Variants in CDH13 observed in about 807,000 individuals in gnomAD.
CDH13 encodes the protein cadherin 13, also known as cadherin-13.
CDH13 carries 24 observed loss-of-function variants against 63.8 expected under a neutral mutation model. The ratio of observed to expected loss-of-function variants is 0.38; its 90% CI spans 0.27 to 0.53. The LOEUF (loss-of-function observed/expected upper bound fraction) is 0.53, where lower values mean the gene tolerates loss of function less well. Among genes scored for constraint, CDH13 ranks in the 20% least tolerant of loss-of-function variants. CDH13 has a pLI of 0.85. For missense variants in CDH13, 1,049 were observed against 903.1 expected (o/e 1.16, Z -2.07); for synonymous variants, 503 against 355.3 (o/e 1.42, Z -4.67).
chr16:83,351,928 A>T (rs901401879), intron 6 of CDH13, among the ~76,000 whole-genome samples: 9 of 152,220 alleles, frequency 5.9e-5, no homozygotes, highest in Non-Finnish European at 8.8e-5. Context: ...CTCAGTATCT[A>T]CAAGTTTTTG....
At chr16:82,856,171 TC>T (rs979452605) in intron 1 of CDH13, among the ~76,000 whole-genome samples, 44 of 151,100 alleles carry the variant, frequency 2.9e-4, no homozygotes, top group African/African-American at 9.8e-4. Flanking sequence ...GGTCAGCAGA[TC>T]GAGACCATCC....
At chr16:83,373,130 T>C (rs1253583243) in intron 6 of CDH13, among the ~76,000 whole-genome samples, 2 of 152,218 alleles carry the variant, frequency 1.3e-5, no homozygotes, top group Non-Finnish European at 2.9e-5. Context: ...TTCCATAATA[T>C]TGAGCAAATG....
At position 83,134,920 on chromosome 16, in the gene CDH13, C is replaced by T. The variant is rs528682982; in HGVS notation, c.483+9419C>T. ...GCAATATTTTTAACCCTGAGTTTATCACCCTTTCGGTTCTCCATTTTAAAG... is the reference window on the plus strand; with the variant it reads ...GCAATATTTTTAACCCTGAGTTTATTACCCTTTCGGTTCTCCATTTTAAAG... On this transcript the variant is annotated intron_variant, in intron 4 of 13. Coordinates refer to ENST00000567109, the MANE Select transcript of CDH13 (RefSeq NM_001257.5). 8.7e-4 allele frequency among the ~76,000 whole-genome samples: 133 copies of T among 152,290 alleles called. 1 individual carries two copies. The highest frequency in any genetic ancestry group is 3.1e-3 in the African/African-American group (130 of 41,552).
chr16:83,191,528 C>CAT lies in CDH13; in HGVS notation c.484-25816_484-25815insTA, dbSNP rs1479803621. Among the ~76,000 whole-genome samples, 644 of 70,010 alleles carry CAT rather than the reference C, an allele frequency of 9.2e-3. 4 individuals carry two copies. The highest frequency in any genetic ancestry group is 0.039 in the African/African-American group (574 of 14,688). The allele number at this position is 70,010 out of a possible 152,430, so 45.9% of individuals were successfully genotyped here. On this transcript the variant is annotated intron_variant, in intron 4 of 13. Coordinates refer to ENST00000567109, the MANE Select transcript of CDH13 (RefSeq NM_001257.5). Reference sequence around the variant, plus strand: ...ATACACACACACACACACACACACACACATATATATATATATATATATATA... The same window carrying CAT: ...ATACACACACACACACACACACACACATACATATATATATATATATATATATA...
At chr16:82,846,101 T>C (rs752894042) in intron 1 of CDH13, among the ~76,000 whole-genome samples, 3 of 152,200 alleles carry the variant, frequency 2.0e-5, no homozygotes, top group Non-Finnish European at 4.4e-5. Context: ...AGAGTTTATT[T>C]CTGCCAAATG....
chr16:83,366,773 T>G (rs1318291993), intron 6 of CDH13, among the ~76,000 whole-genome samples: 1 of 152,142 alleles, frequency 6.6e-6, no homozygotes, highest in Non-Finnish European at 1.5e-5. Flanking sequence ...TGCTGGAAAG[T>G]CTGAAATGGG....
intron 5 of CDH13, among the ~76,000 whole-genome samples, chr16:83,247,634 A>G (rs535511717): frequency 6.2e-4 from 95 of 152,308 alleles, no homozygotes; most frequent in African/African-American, 2.3e-3. Context: ...TTTTTCATGA[A>G]GCCTGAGGGA....
At chr16:82,632,776 T>A (rs560012052) in intron 1 of CDH13, among the ~76,000 whole-genome samples, 5 of 152,322 alleles carry the variant, frequency 3.3e-5, no homozygotes, top group South Asian at 2.1e-4. Context: ...TATTGTTACA[T>A]TGTAATATAT....
At chr16:83,509,801 A>G (rs1030537991) in intron 7 of CDH13, among the ~76,000 whole-genome samples, 3 of 152,152 alleles carry the variant, frequency 2.0e-5, no homozygotes, top group African/African-American at 7.2e-5. Flanking sequence ...TATTTTGTGG[A>G]TTCTCATTTA....
chr16:82,705,370 C>T, intron 1 of CDH13: 1 of 307,450 alleles, frequency 3.3e-6, no homozygotes, highest in Non-Finnish European at 6.4e-6. Context: ...ATTCAATACG[C>T]TAATACAGTG....
intron 6 of CDH13, among the ~76,000 whole-genome samples, chr16:83,412,457 GT>G (rs2092141997): frequency 1.3e-5 from 2 of 152,032 alleles, no homozygotes. Flanking sequence ...GTTAGACTAG[GT>G]CTCAAAAAAT....
At chr16:83,676,500 T>C (rs1368261925) in intron 9 of CDH13, among the ~76,000 whole-genome samples, 1 of 152,216 alleles carries the variant, frequency 6.6e-6, no homozygotes, top group Non-Finnish European at 1.5e-5. Context: ...TGAGGTTTAC[T>C]TTACCGAAGT....
At chr16:83,089,318 G>A (rs948964534) in intron 3 of CDH13, among the ~76,000 whole-genome samples, 12 of 152,172 alleles carry the variant, frequency 7.9e-5, no homozygotes, top group African/African-American at 2.2e-4. Flanking sequence ...GATATTTTAC[G>A]TTGTATAATT....
At chr16:82,764,223 G>C (rs1297949553) in intron 1 of CDH13, among the ~76,000 whole-genome samples, 2 of 152,166 alleles carry the variant, frequency 1.3e-5, no homozygotes, top group African/African-American at 4.8e-5. Context: ...GGCTAAGCAT[G>C]ACTGCAACTT....
chr16:83,241,914 C>G lies in CDH13; in HGVS notation c.636+24417C>G, dbSNP rs1904490836. ...CATATATAAGAAATCATTGTAAAAT[C>G]CAATGTCCTGAAGCTTTCCCATTAT... is the stretch of plus-strand genomic sequence containing the variant. On this transcript the variant is annotated intron_variant, in intron 5 of 13. Coordinates refer to ENST00000567109, the MANE Select transcript of CDH13 (RefSeq NM_001257.5). Among the ~76,000 whole-genome samples, 3 of 152,084 alleles carry G rather than the reference C, an allele frequency of 2.0e-5. No homozygotes were observed. The South Asian group carries it at 6.2e-4, about 32-fold the overall frequency.
At chr16:82,980,584 C>G (rs1016516117) in intron 2 of CDH13, among the ~76,000 whole-genome samples, 1 of 152,156 alleles carries the variant, frequency 6.6e-6, no homozygotes, top group Non-Finnish European at 1.5e-5. Context: ...GCTCTTAAGT[C>G]AAACATCTCT....
chr16:83,686,157 G>A (rs1904310963), intron 10 of CDH13, among the ~76,000 whole-genome samples: 1 of 152,216 alleles, frequency 6.6e-6, no homozygotes, highest in Non-Finnish European at 1.5e-5. Flanking sequence ...GAACGCCGGA[G>A]CTTCCTCCGT....
intron 3 of CDH13, among the ~76,000 whole-genome samples, chr16:83,115,610 C>G (rs8047176): frequency 0.24 from 36,617 of 152,182 alleles, 5,161 homozygotes; most frequent in African/African-American, 0.38. Context: ...ACTTACAAGA[C>G]TGTCCATAAT....
At chr16:83,146,067 A>G (rs1369273956) in intron 4 of CDH13, among the ~76,000 whole-genome samples, 1 of 151,930 alleles carries the variant, frequency 6.6e-6, no homozygotes, top group African/African-American at 2.4e-5. Flanking sequence ...TGGTGGCAGC[A>G]CCTGTAATTC....
Sources: allele counts gnomAD v4.1 joint callset (sites outside exome capture counted in the v4.1 genomes callset), GRCh38; gene constraint gnomAD v4.1.1; transcripts MANE v1.5; gene names NCBI Gene and HGNC (gene_info 2026-07-23, HGNC 2026-07-21).